FNDC3B: variants seen among roughly 807,000 people sequenced by gnomAD.
FNDC3B encodes the protein fibronectin type III domain-containing protein 3B.
A neutral mutation model predicts 151.5 loss-of-function variants in FNDC3B; 12 were observed. That is an observed-to-expected ratio of 0.08 (90% CI 0.05 to 0.13). FNDC3B has a LOEUF of 0.13. Among genes scored for constraint, FNDC3B ranks in the 10% least tolerant of loss-of-function variants. The pLI is 1.00. For synonymous variants in FNDC3B, 528 were observed against 549.0 expected, an observed-to-expected ratio of 0.96 and a Z score of 0.54; for missense variants, 1,214 against 1,505.3, an observed-to-expected ratio of 0.81 and a Z score of 3.20.
At chr3:172,164,330 A>G (rs926337996) in intron 3 of FNDC3B, among the ~76,000 whole-genome samples, 5 of 152,230 alleles carry the variant, frequency 3.3e-5, no homozygotes, top group Non-Finnish European at 7.3e-5. Flanking sequence ...AGCCCAATAT[A>G]TAAATTGTCA....
At chr3:172,134,446 G>A (rs192493133) in intron 3 of FNDC3B, 9 of 509,746 alleles carry the variant, frequency 1.8e-5, no homozygotes, top group Non-Finnish European at 2.0e-5. Flanking sequence ...ATTGAGATCA[G>A]TATTAGGTTA....
Position 172,352,770 on chromosome 3 carries a change from A to G in FNDC3B, c.2515-33A>G, listed in dbSNP as rs1233710236. On this transcript the variant is annotated intron_variant, in intron 21 of 25. Coordinates refer to ENST00000415807, the MANE Select transcript of FNDC3B (RefSeq NM_022763.4). This position sits in a 1 kb window ranked among gnomAD's most constrained non-coding sequence, Gnocchi z 4.2. ...GGCATCAAAATGTGCTAATGGTGTA[A>G]TATGGCCTTTGTCTTGCTGTTCTGT... is the stretch of plus-strand genomic sequence containing the variant. 1.9e-6 allele frequency: 3 copies of G among 1,602,642 alleles called. No individual in the cohort carries two copies. Among genetic ancestry groups the G allele is most frequent in the Non-Finnish European group, 2.6e-6 (3 of 1,175,700 alleles).
At chr3:172,082,319 A>G (rs934671853) in intron 1 of FNDC3B, among the ~76,000 whole-genome samples, 2 of 152,216 alleles carry the variant, frequency 1.3e-5, no homozygotes, top group Admixed American at 1.3e-4. Context: ...TTTACTTTCT[A>G]TGGACAAATA....
chr3:172,135,819 A>G (rs1721331513), intron 3 of FNDC3B, among the ~76,000 whole-genome samples: 1 of 152,238 alleles, frequency 6.6e-6, no homozygotes, highest in African/African-American at 2.4e-5. Flanking sequence ...GAAACCCTTT[A>G]TATGAGTCCC....
chr3:172,113,652 G>A (rs1305631894), intron 2 of FNDC3B, among the ~76,000 whole-genome samples: 1 of 152,054 alleles, frequency 6.6e-6, no homozygotes, highest in Non-Finnish European at 1.5e-5. Flanking sequence ...TCCTCTGCTG[G>A]ATTACTTCCA....
At chr3:172,110,609 A>G (rs1449165677) in intron 1 of FNDC3B, among the ~76,000 whole-genome samples, 2 of 151,802 alleles carry the variant, frequency 1.3e-5, no homozygotes, top group East Asian at 2.0e-4. Context: ...TGTCAGAGCT[A>G]TGCCAAGCAG....
intron 24 of FNDC3B, among the ~76,000 whole-genome samples, chr3:172,380,612 A>G (rs1011139519): frequency 1.3e-5 from 2 of 152,174 alleles, no homozygotes; most frequent in Non-Finnish European, 2.9e-5. Flanking sequence ...TTTCTTGAAA[A>G]CAGGGTTTAC....
At chr3:172,171,433 A>G (rs1723276682) in intron 3 of FNDC3B, among the ~76,000 whole-genome samples, 1 of 151,904 alleles carries the variant, frequency 6.6e-6, no homozygotes, top group Non-Finnish European at 1.5e-5. Context: ...GATGCCCAGT[A>G]TTTTTTTCTC....
At chr3:172,356,907 T>C (rs1734125403) in intron 22 of FNDC3B, among the ~76,000 whole-genome samples, 1 of 152,006 alleles carries the variant, frequency 6.6e-6, no homozygotes, top group African/African-American at 2.4e-5. Context: ...ACACCCACAC[T>C]CTTGACATCC....
intron 2 of FNDC3B, among the ~76,000 whole-genome samples, chr3:172,124,192 G>T (rs1277806294): frequency 6.6e-6 from 1 of 152,136 alleles, no homozygotes; most frequent in Non-Finnish European, 1.5e-5. Flanking sequence ...CCTGGTTCAA[G>T]CAATTCTCCT....
intron 1 of FNDC3B, among the ~76,000 whole-genome samples, chr3:172,085,279 G>A (rs1576848177): frequency 6.6e-6 from 1 of 152,172 alleles, no homozygotes; most frequent in East Asian, 1.9e-4. Flanking sequence ...AGAACTAAGG[G>A]ATTTCACGTA....
chr3:172,286,880 A>G (rs11721055), intron 7 of FNDC3B, among the ~76,000 whole-genome samples: 13,307 of 152,256 alleles, frequency 0.087, 682 homozygotes, highest in South Asian at 0.11. Flanking sequence ...AGATAGATGC[A>G]GGGAAGAGCA....
intron 22 of FNDC3B, among the ~76,000 whole-genome samples, chr3:172,355,875 A>G (rs1217102355): frequency 6.6e-6 from 1 of 152,136 alleles, no homozygotes; most frequent in Non-Finnish European, 1.5e-5. Context: ...ACCTCCAGGA[A>G]TGGTCTGGTT....
chr3:172,103,532 G>T (rs192063161), intron 1 of FNDC3B, among the ~76,000 whole-genome samples: 2 of 152,076 alleles, frequency 1.3e-5, no homozygotes, highest in Admixed American at 6.5e-5. Context: ...TGTTTAAAAA[G>T]CATCTATGGA....
intron 3 of FNDC3B, among the ~76,000 whole-genome samples, chr3:172,172,116 A>G (rs1723312956): frequency 6.6e-6 from 1 of 152,158 alleles, no homozygotes; most frequent in Non-Finnish European, 1.5e-5. Context: ...AGACACCCAA[A>G]CACCGAAATC....
At chr3:172,089,530 C>A (rs1040279299) in intron 1 of FNDC3B, among the ~76,000 whole-genome samples, 1 of 152,020 alleles carries the variant, frequency 6.6e-6, no homozygotes. Flanking sequence ...ATGCACAAAT[C>A]GAATGTAGGG....
At chr3:172,071,823 C>T (rs942164137) in intron 1 of FNDC3B, among the ~76,000 whole-genome samples, 10 of 152,006 alleles carry the variant, frequency 6.6e-5, no homozygotes, top group African/African-American at 1.2e-4. Flanking sequence ...CGAGCACTTC[C>T]GTATGAAGTC....
At chr3:172,080,865 G>C (rs975671762) in intron 1 of FNDC3B, among the ~76,000 whole-genome samples, 1 of 152,152 alleles carries the variant, frequency 6.6e-6, no homozygotes, top group Non-Finnish European at 1.5e-5. Context: ...CTGTTAGATT[G>C]TTTCAAGTGT....
intron 3 of FNDC3B, among the ~76,000 whole-genome samples, chr3:172,170,005 T>C (rs1723208820): frequency 6.6e-6 from 1 of 152,240 alleles, no homozygotes; most frequent in Non-Finnish European, 1.5e-5. Context: ...TCTGCTGTTT[T>C]ACACAGAACT....
Sources: allele counts gnomAD v4.1 joint callset (sites outside exome capture counted in the v4.1 genomes callset), GRCh38; gene constraint gnomAD v4.1.1; non-coding constraint Gnocchi (gnomAD v3.1); transcripts MANE v1.5; gene names NCBI Gene and HGNC (gene_info 2026-07-23, HGNC 2026-07-21).